The following DISC1 variants were observed in gnomAD, a reference collection of about 807,000 sequenced individuals.
The protein encoded by DISC1 is disrupted in schizophrenia 1 protein.
A neutral mutation model predicts 84.5 loss-of-function variants in DISC1; 57 were observed. That is an observed-to-expected ratio of 0.67 (90% CI 0.55 to 0.84). The LOEUF is 0.84. DISC1 is among the 40% of genes least tolerant of loss of function. The probability of loss-of-function intolerance (pLI) is 0.00; values close to 1 mark genes in which losing one functional copy is unlikely to be tolerated. For synonymous variants in DISC1, 411 were observed against 415.2 expected, an observed-to-expected ratio of 0.99 and a Z score of 0.12; for missense variants, 1,000 against 1,057.8, an observed-to-expected ratio of 0.95 and a Z score of 0.76.
chr1:231,641,636 A>G (rs1323225829), intron 1 of DISC1, among the ~76,000 whole-genome samples: 1 of 152,130 alleles, frequency 6.6e-6, no homozygotes, highest in Non-Finnish European at 1.5e-5. Flanking sequence ...ATCTGGCCCC[A>G]CCCACATCCT....
chr1:231,978,094 C>T (rs1663071221), intron 10 of DISC1, among the ~76,000 whole-genome samples: 3 of 151,498 alleles, frequency 2.0e-5, no homozygotes, highest in Admixed American at 2.0e-4. Flanking sequence ...CCTGTATTTT[C>T]CATAAACTGG....
In DISC1 at chr1:231,795,776, C is replaced by T. The variant is rs148343197; in HGVS notation, c.1689+480C>T. 5.4e-3 allele frequency among the ~76,000 whole-genome samples: 822 copies of T among 152,150 alleles called. 9 individuals carry two copies. The highest frequency in any genetic ancestry group is 0.019 in the African/African-American group (776 of 41,508). ...TGGTGGAGGGTGCCTGTAATCCCAG[C>T]TACTCAGGAGGCTGAGGTAGGAGAA... is the stretch of plus-strand genomic sequence containing the variant. On this transcript the variant is annotated intron_variant, in intron 7 of 12. Coordinates refer to ENST00000439617, the MANE Select transcript of DISC1 (RefSeq NM_018662.3).
At chr1:231,677,707 G>A (rs1409367983) in intron 1 of DISC1, among the ~76,000 whole-genome samples, 1 of 152,204 alleles carries the variant, frequency 6.6e-6, no homozygotes, top group Non-Finnish European at 1.5e-5. Context: ...TGCCAGGTGC[G>A]GTGGCTCACG....
chr1:231,743,109 C>T (rs906168210), intron 3 of DISC1, among the ~76,000 whole-genome samples: 3 of 152,176 alleles, frequency 2.0e-5, no homozygotes, highest in Non-Finnish European at 2.9e-5. Flanking sequence ...TTTCATCTGG[C>T]AGTGGATGGG....
chr1:232,036,633 C>T (rs1670543360), intron 12 of DISC1, 59 bp from the exon 13 acceptor site: 2 of 1,448,384 alleles, frequency 1.4e-6, no homozygotes, highest in Non-Finnish European at 9.2e-7. Context: ...TCTTCGATCC[C>T]TCGGAGGCCG....
rs113265676 is a variant in DISC1 at position 231,798,113 on chromosome 1, CCACA to C, written c.1690-1976_1690-1973del. Among the ~76,000 whole-genome samples, 39 of 147,184 alleles carry C rather than the reference CCACA, an allele frequency of 2.6e-4. No individual in the cohort carries two copies. The South Asian group carries it at 8.1e-3, about 30-fold the overall frequency. On this transcript the variant is annotated intron_variant, in intron 7 of 12. Transcript: ENST00000439617. ...TTCTTTCTCTAGTGTGTTAGACACA[CCACA>C]CACACACACACACACACATACACAC...
At chr1:231,864,241 A>AT (rs1002245074) in intron 9 of DISC1, among the ~76,000 whole-genome samples, 58 of 151,514 alleles carry the variant, frequency 3.8e-4, no homozygotes, top group African/African-American at 1.3e-3. Flanking sequence ...AGAAGTTTTC[A>AT]TTTTTTTTTC....
At chr1:231,673,358 AGGCTGGAGTGCAGT>A (rs1308086294) in intron 1 of DISC1, among the ~76,000 whole-genome samples, 1 of 151,792 alleles carries the variant, frequency 6.6e-6, no homozygotes, top group East Asian at 1.9e-4. Flanking sequence ...TCTGTTGTCC[AGGCTGGAGTGCAGT>A]GGCTATTCAT....
intron 1 of DISC1, among the ~76,000 whole-genome samples, chr1:231,673,229 T>C (rs1243867502): frequency 6.6e-6 from 1 of 152,226 alleles, no homozygotes; most frequent in Non-Finnish European, 1.5e-5. Flanking sequence ...TCCTCCAACA[T>C]ATCTTCCACT....
At chr1:232,026,339 G>A in intron 11 of DISC1, 96 bp from the exon 12 acceptor site, 1 of 780,258 alleles carries the variant, frequency 1.3e-6, no homozygotes, top group Non-Finnish European at 2.1e-6. Flanking sequence ...TGACTGAGGT[G>A]CAGAAACTGG....
intron 3 of DISC1, among the ~76,000 whole-genome samples, chr1:231,712,427 A>G (rs2067996591): frequency 6.6e-6 from 1 of 152,238 alleles, no homozygotes; most frequent in Non-Finnish European, 1.5e-5. Flanking sequence ...AGAAACATCA[A>G]AAAACAAACA....
chr1:231,694,643 A>G lies in DISC1; in HGVS notation c.885A>G (p.Pro295=), dbSNP rs761988285. 3.7e-6 allele frequency: 6 copies of G among 1,614,248 alleles called. No homozygotes were observed. Among genetic ancestry groups the G allele is most frequent in the Non-Finnish European group, 5.1e-6 (6 of 1,180,046 alleles). ...CAGAGCGTGACATGCATTCTTTACC[A>G]GACATGGACCCTGGCTCCTCCAGTT... The part of the protein sequence containing the change: ...SRPERDMHSL[P]DMDPGSSSSL... Residue 295 remains proline (P), a synonymous_variant, in exon 2 of 13, where the codon CCA becomes CCG. Transcript: ENST00000439617.
intron 1 of DISC1, among the ~76,000 whole-genome samples, chr1:231,666,954 G>A (rs1414949474): frequency 6.6e-6 from 1 of 152,140 alleles, no homozygotes; most frequent in Non-Finnish European, 1.5e-5. Flanking sequence ...TGGAATTTGT[G>A]TTTAAATGTT....
At chr1:231,633,277 G>T (rs1468031765) in intron 1 of DISC1, among the ~76,000 whole-genome samples, 1 of 152,178 alleles carries the variant, frequency 6.6e-6, no homozygotes, top group Non-Finnish European at 1.5e-5. Flanking sequence ...TTAAAAACTT[G>T]CTAAAAATAG....
intron 1 of DISC1, among the ~76,000 whole-genome samples, chr1:231,640,509 C>T (rs2059548820): frequency 6.6e-6 from 1 of 151,072 alleles, no homozygotes. Flanking sequence ...AAACTGTGGG[C>T]TCACCAGACC....
chr1:231,711,361 T>TC (rs1340418731), intron 3 of DISC1, among the ~76,000 whole-genome samples: 3 of 146,388 alleles, frequency 2.0e-5, no homozygotes, highest in Non-Finnish European at 1.5e-5. Flanking sequence ...ATATTTCTTT[T>TC]TTTTTTTTTT....
At chr1:231,998,499 C>G (rs892618719) in intron 10 of DISC1, among the ~76,000 whole-genome samples, 1 of 152,020 alleles carries the variant, frequency 6.6e-6, no homozygotes, top group Non-Finnish European at 1.5e-5. Flanking sequence ...AGAGAACATT[C>G]TAAGAGCAGG....
At chr1:231,685,659 G>A (rs1414581396) in intron 1 of DISC1, among the ~76,000 whole-genome samples, 1 of 152,026 alleles carries the variant, frequency 6.6e-6, no homozygotes, top group Non-Finnish European at 1.5e-5. Flanking sequence ...CACCATATTG[G>A]CCAGGCTGGT....
intron 1 of DISC1, among the ~76,000 whole-genome samples, chr1:231,638,712 T>A (rs2059387276): frequency 6.6e-6 from 1 of 152,218 alleles, no homozygotes; most frequent in African/African-American, 2.4e-5. Context: ...GTGTCTATTT[T>A]TATACCAGCC....
Sources: allele counts gnomAD v4.1 joint callset (sites outside exome capture counted in the v4.1 genomes callset), GRCh38; gene constraint gnomAD v4.1.1; transcripts MANE v1.5; gene names NCBI Gene and HGNC (gene_info 2026-07-23, HGNC 2026-07-21).